Variants in FNDC3B observed in about 807,000 individuals in gnomAD.
The protein encoded by FNDC3B is fibronectin type III domain containing 3B, also known as fibronectin type III domain-containing protein 3B.
FNDC3B carries 12 observed loss-of-function variants against 151.5 expected under a neutral mutation model. The observed-to-expected ratio is 0.08, with a 90% CI of 0.05 to 0.13. The LOEUF is 0.13. Ranked by LOEUF, FNDC3B falls within the 10% of genes least tolerant of loss-of-function variation. The pLI is 1.00. For missense variants in FNDC3B, 1,214 were observed against 1,505.3 expected (o/e 0.81, Z 3.20); for synonymous variants, 528 against 549.0 (o/e 0.96, Z 0.54).
chr3:172,189,315 G>A (rs1245144385), intron 3 of FNDC3B, among the ~76,000 whole-genome samples: 2 of 152,124 alleles, frequency 1.3e-5, no homozygotes, highest in African/African-American at 4.8e-5. Context: ...CAAATTAGCT[G>A]GAGGCCACCT....
intron 11 of FNDC3B, among the ~76,000 whole-genome samples, chr3:172,313,512 C>A (rs1024462977): frequency 2.6e-5 from 4 of 152,178 alleles, no homozygotes; most frequent in African/African-American, 7.2e-5. Context: ...TTTCACTGTT[C>A]ATTAATTATT....
chr3:172,052,413 A>AT (rs949884707), intron 1 of FNDC3B, among the ~76,000 whole-genome samples: 25 of 152,144 alleles, frequency 1.6e-4, no homozygotes, highest in Non-Finnish European at 4.4e-5. Context: ...TAGAAAGGAC[A>AT]TTTTAAGGGA....
At position 172,328,885 on chromosome 3, in the gene FNDC3B, T is replaced by C. The variant is rs193125329; in HGVS notation, c.1255-67T>C. 8.0e-3 allele frequency: 10,147 copies of C among 1,275,900 alleles called. 59 individuals carry two copies. The highest frequency in any genetic ancestry group is 9.9e-3 in the Admixed American group (333 of 33,756). The allele number at this position is 1,275,900 out of a possible 1,614,324, so 79.0% of individuals were successfully genotyped here. Reference sequence around the variant, plus strand: ...TCAAGATGTTCAAGATGCTCCTTCATTTATTTAGGGTTATCTGTTGTTTTT... The same window carrying C: ...TCAAGATGTTCAAGATGCTCCTTCACTTATTTAGGGTTATCTGTTGTTTTT... On this transcript the variant is annotated intron_variant, in intron 11 of 25. Transcript: ENST00000415807.
chr3:172,192,595 C>T (rs1724584673), intron 3 of FNDC3B, among the ~76,000 whole-genome samples: 1 of 152,008 alleles, frequency 6.6e-6, no homozygotes, highest in Non-Finnish European at 1.5e-5. Flanking sequence ...TAGCAGAGGC[C>T]AGGAACTGTT....
chr3:172,046,616 G>T lies in FNDC3B; in HGVS notation c.-29+6845G>T, dbSNP rs139820662. Among the ~76,000 whole-genome samples the T allele has an allele frequency of 9.5e-3, 1,450 of 152,080 alleles. 4 individuals are homozygous for T. Among genetic ancestry groups the T allele is most frequent in the Non-Finnish European group, 0.014 (918 of 67,984 alleles). On this transcript the variant is annotated intron_variant, in intron 1 of 25. Coordinates refer to ENST00000415807, the MANE Select transcript of FNDC3B (RefSeq NM_022763.4). ...GGGATTATAGGTTATGAGCCACCTT[G>T]CCCGGCCCTGTTTTGTTTTTATAAT...
chr3:172,252,198 G>C (rs532465068), intron 6 of FNDC3B, among the ~76,000 whole-genome samples: 1 of 152,200 alleles, frequency 6.6e-6, no homozygotes, highest in Admixed American at 6.5e-5. Flanking sequence ...TGAAGTTTTG[G>C]AGGTAGTTTA....
chr3:172,137,475 G>A (rs1258994014), intron 3 of FNDC3B, among the ~76,000 whole-genome samples: 1 of 152,114 alleles, frequency 6.6e-6, no homozygotes, highest in East Asian at 1.9e-4. Context: ...GGGCAACATA[G>A]TGAGACCCAT....
chr3:172,242,435 A>G (rs1727547271), intron 4 of FNDC3B, among the ~76,000 whole-genome samples: 1 of 152,126 alleles, frequency 6.6e-6, no homozygotes, highest in Non-Finnish European at 1.5e-5. Context: ...AGGCATTTCC[A>G]TACAGCCTCT....
intron 1 of FNDC3B, among the ~76,000 whole-genome samples, chr3:172,056,858 G>A (rs1394853192): frequency 6.6e-6 from 1 of 152,182 alleles, no homozygotes; most frequent in African/African-American, 2.4e-5. Context: ...GAGTGTCTCT[G>A]TTCATGTGAC....
At position 172,044,257 on chromosome 3, in the gene FNDC3B, TGTATGGAATAGTGAAAA is replaced by T. The variant is rs1560379690; in HGVS notation, c.-29+4487_-29+4503del. Among the ~76,000 whole-genome samples, 14 of 132,800 alleles carry T rather than the reference TGTATGGAATAGTGAAAA, an allele frequency of 1.1e-4. 1 individual carries two copies. The highest frequency in any genetic ancestry group is 4.3e-4 in the African/African-American group (11 of 25,686). The allele number at this position is 132,800 out of a possible 152,430, so 87.1% of individuals were successfully genotyped here. ...AGGAATTTCAACAACTTTCTGATTT[TGTATGGAATAGTGAAAA>T]TTCCAACTCTTTTTTTTTTTTTTTT... On this transcript the variant is annotated intron_variant, in intron 1 of 25. Coordinates refer to ENST00000415807, the MANE Select transcript of FNDC3B (RefSeq NM_022763.4).
intron 2 of FNDC3B, among the ~76,000 whole-genome samples, chr3:172,122,556 A>G (rs989946179): frequency 6.6e-6 from 1 of 152,208 alleles, no homozygotes; most frequent in Admixed American, 6.5e-5. Context: ...TAATGCCTAC[A>G]TTGGTATTTC....
At chr3:172,348,809 A>G (rs1733724588) in intron 21 of FNDC3B, among the ~76,000 whole-genome samples, 1 of 152,204 alleles carries the variant, frequency 6.6e-6, no homozygotes, top group South Asian at 2.1e-4. Flanking sequence ...AAAATGAGTC[A>G]GATCTTATGA....
In FNDC3B at chr3:172,163,051, T is replaced by C. The variant is rs150753858; in HGVS notation, c.187+29505T>C. Among the ~76,000 whole-genome samples the C allele has an allele frequency of 4.7e-3, 723 of 152,274 alleles. 5 individuals carry two copies. Among genetic ancestry groups the C allele is most frequent in the African/African-American group, 0.017 (690 of 41,546 alleles). ...GCTTTGGGAGGCTGAGGCAGGAAGA[T>C]TGCTTGAAGCCAGGAGTTTGAGACC... On this transcript the variant is annotated intron_variant, in intron 3 of 25. Transcript: ENST00000415807.
At chr3:172,077,775 A>G (rs1432821865) in intron 1 of FNDC3B, among the ~76,000 whole-genome samples, 3 of 152,198 alleles carry the variant, frequency 2.0e-5, no homozygotes, top group Non-Finnish European at 4.4e-5. Flanking sequence ...AGTAATTTAA[A>G]TTCCCAAAGA....
chr3:172,192,611 A>C (rs569355264), intron 3 of FNDC3B, among the ~76,000 whole-genome samples: 41 of 152,290 alleles, frequency 2.7e-4, no homozygotes, highest in African/African-American at 9.4e-4. Context: ...CTGTTTTATA[A>C]GTACTAATAC....
chr3:172,073,080 T>A (rs985326592), intron 1 of FNDC3B, among the ~76,000 whole-genome samples: 2 of 152,190 alleles, frequency 1.3e-5, no homozygotes, highest in Non-Finnish European at 2.9e-5. Context: ...TAATTAAACA[T>A]GTCTGCAGCC....
intron 1 of FNDC3B, among the ~76,000 whole-genome samples, chr3:172,060,407 T>G (rs957161625): frequency 2.6e-5 from 4 of 152,078 alleles, no homozygotes; most frequent in African/African-American, 9.7e-5. Context: ...TTTCTCTGTC[T>G]TCCCTAGGCC....
At chr3:172,313,208 A>G (rs1045535662) in intron 11 of FNDC3B, among the ~76,000 whole-genome samples, 2 of 152,252 alleles carry the variant, frequency 1.3e-5, no homozygotes, top group African/African-American at 2.4e-5. Flanking sequence ...CTGTGGCTTC[A>G]TGTCCACTTT....
At chr3:172,113,230 G>T (rs924311992) in intron 2 of FNDC3B, among the ~76,000 whole-genome samples, 22 of 152,082 alleles carry the variant, frequency 1.4e-4, no homozygotes, top group African/African-American at 5.3e-4. Context: ...CAACAGTTGG[G>T]CTTGCACAGT....
Sources: allele counts gnomAD v4.1 joint callset (sites outside exome capture counted in the v4.1 genomes callset), GRCh38; gene constraint gnomAD v4.1.1; transcripts MANE v1.5; gene names NCBI Gene and HGNC (gene_info 2026-07-23, HGNC 2026-07-21).